Variants in PTPRK observed in about 807,000 individuals in gnomAD.
The protein encoded by PTPRK is protein tyrosine phosphatase receptor type K, also known as receptor-type tyrosine-protein phosphatase kappa.
Under a neutral mutation model 178.0 loss-of-function variants are expected in PTPRK, and 75 were observed. That is an observed-to-expected ratio of 0.42 (90% CI 0.35 to 0.51). The LOEUF (loss-of-function observed/expected upper bound fraction) is 0.51, where lower values mean the gene tolerates loss of function less well. PTPRK is among the 20% of genes least tolerant of loss of function. PTPRK has a pLI of 0.02. For missense variants in PTPRK, 1,441 were observed against 1,797.8 expected (o/e 0.80, Z 3.59); for synonymous variants, 637 against 620.6 (o/e 1.03, Z -0.39).
chr6:128,411,223 A>C (rs1389579869), intron 1 of PTPRK, among the ~76,000 whole-genome samples: 2 of 152,072 alleles, frequency 1.3e-5, no homozygotes, highest in African/African-American at 4.8e-5. Context: ...TCATAATCAC[A>C]ACCACAGCAA....
intron 6 of PTPRK, among the ~76,000 whole-genome samples, chr6:128,206,806 T>C (rs1375433392): frequency 1.3e-5 from 2 of 152,168 alleles, no homozygotes; most frequent in Non-Finnish European, 2.9e-5. Flanking sequence ...TTCATTTTCA[T>C]TTATACCTCA....
chr6:128,290,494 T>C (rs567436608), intron 3 of PTPRK, among the ~76,000 whole-genome samples: 57 of 152,126 alleles, frequency 3.7e-4, no homozygotes, highest in Non-Finnish European at 6.3e-4. Context: ...AGTCCTACCG[T>C]GTCAGAAATC....
intron 1 of PTPRK, among the ~76,000 whole-genome samples, chr6:128,417,919 C>T (rs1462554301): frequency 6.6e-6 from 1 of 152,270 alleles, no homozygotes; most frequent in South Asian, 2.1e-4. Context: ...ACACTCTTCA[C>T]ATTCTGGGCA....
chr6:127,995,575 T>A (rs201474367), intron 17 of PTPRK, 37 bp from the exon 18 acceptor site: 12 of 1,310,300 alleles, frequency 9.2e-6, no homozygotes, highest in Non-Finnish European at 1.2e-5. Context: ...GCTGTTAAAT[T>A]TTCCCCCTGT....
In PTPRK at chr6:128,105,156, C is replaced by T. The variant is rs546435325; in HGVS notation, c.1163-15164G>A. On this transcript the variant is annotated intron_variant, in intron 7 of 29. Transcript: ENST00000368226. ...TTTTTTTTTTTTTTTTCTTTTGAGA[C>T]GGAGTCTTGCTCTGTCGCCCAGGCT... Among the ~76,000 whole-genome samples the T allele has an allele frequency of 3.6e-3, 531 of 145,806 alleles. 5 individuals are homozygous for T. The highest frequency in any genetic ancestry group is 0.012 in the African/African-American group (484 of 39,338).
At chr6:128,443,786 G>C (rs1385505724) in intron 1 of PTPRK, among the ~76,000 whole-genome samples, 1 of 152,162 alleles carries the variant, frequency 6.6e-6, no homozygotes, top group Non-Finnish European at 1.5e-5. Context: ...TGGGAAATAA[G>C]CAAATAGAGA....
chr6:128,075,494 C>T (rs894380314), intron 11 of PTPRK, among the ~76,000 whole-genome samples: 1 of 152,012 alleles, frequency 6.6e-6, no homozygotes, highest in African/African-American at 2.4e-5. Context: ...ATGCTCATTT[C>T]TACCTCTCCT....
chr6:128,329,446 G>A (rs1384921859), intron 2 of PTPRK, among the ~76,000 whole-genome samples: 1 of 149,698 alleles, frequency 6.7e-6, no homozygotes, highest in Non-Finnish European at 1.5e-5. Context: ...GATTGTGGAA[G>A]CTGAGAAGTC....
chr6:128,387,860 A>T (rs1326808742), intron 2 of PTPRK, among the ~76,000 whole-genome samples: 1 of 152,098 alleles, frequency 6.6e-6, no homozygotes, highest in African/African-American at 2.4e-5. Context: ...TGAATAACGC[A>T]TTAGAGCAGG....
intron 3 of PTPRK, among the ~76,000 whole-genome samples, chr6:128,256,392 A>G (rs1345171615): frequency 6.6e-6 from 1 of 152,150 alleles, no homozygotes; most frequent in Non-Finnish European, 1.5e-5. Context: ...CCTCTATGAC[A>G]TATGTAGAGC....
At chr6:128,385,195 C>G (rs1163821925) in intron 2 of PTPRK, among the ~76,000 whole-genome samples, 1 of 151,482 alleles carries the variant, frequency 6.6e-6, no homozygotes, top group Non-Finnish European at 1.5e-5. Flanking sequence ...ACTTCTGATT[C>G]TTCCTTGCAT....
At chr6:128,437,673 G>A (rs1845768927) in intron 1 of PTPRK, among the ~76,000 whole-genome samples, 1 of 152,368 alleles carries the variant, frequency 6.6e-6, no homozygotes, top group East Asian at 1.9e-4. Flanking sequence ...GAATAAAGAT[G>A]TTCTTGCTAG....
At position 128,050,873 on chromosome 6, in the gene PTPRK, C is replaced by T. The variant is rs540521738; in HGVS notation, c.2194+13885G>A. Among the ~76,000 whole-genome samples, 20 of 152,232 alleles carry T rather than the reference C, an allele frequency of 1.3e-4. No individual in the cohort carries two copies. In the South Asian group the frequency reaches 2.1e-3, roughly 16 times the overall value. On this transcript the variant is annotated intron_variant, in intron 13 of 29. Transcript: ENST00000368226. ...GGAATTTTTTAGAATGATTTTTACA[C>T]GCTGAAAAATTTTCAAAATGATGTT... is the stretch of plus-strand genomic sequence containing the variant.
At chr6:128,420,176 T>C (rs1340445838) in intron 1 of PTPRK, among the ~76,000 whole-genome samples, 1 of 152,218 alleles carries the variant, frequency 6.6e-6, no homozygotes. Flanking sequence ...AATGGAACAT[T>C]GTCTTTGTCG....
intron 1 of PTPRK, among the ~76,000 whole-genome samples, chr6:128,447,350 C>T (rs1331265005): frequency 6.6e-6 from 1 of 152,194 alleles, no homozygotes; most frequent in African/African-American, 2.4e-5. Flanking sequence ...AAGTCTCCAC[C>T]ATATGTCAGG....
chr6:128,229,554 T>C (rs1420834684), intron 5 of PTPRK, among the ~76,000 whole-genome samples: 1 of 152,128 alleles, frequency 6.6e-6, no homozygotes, highest in Non-Finnish European at 1.5e-5. Context: ...CAGGACATCA[T>C]TGAAAAATGA....
At chr6:128,221,252 C>T (rs112716788) in intron 5 of PTPRK, among the ~76,000 whole-genome samples, 5,956 of 152,076 alleles carry the variant, frequency 0.039, 263 homozygotes, top group African/African-American at 0.11. Flanking sequence ...TGGCCAGGCG[C>T]GGTGGCTCAC....
rs745486138 is a variant in PTPRK, at chr6:128,173,945, TC to T, written c.1162+10486del. Among the ~76,000 whole-genome samples, 750 of 152,092 alleles carry T rather than the reference TC, an allele frequency of 4.9e-3. 5 individuals are homozygous for T. The highest frequency in any genetic ancestry group is 0.014 in the Middle Eastern group (4 of 294). Reference sequence around the variant, plus strand: ...ATAATTCATTCTTTAAAAAATGTATTCCCTTACATAAAATATTTTAATGTAT... The same window carrying T: ...ATAATTCATTCTTTAAAAAATGTATTCCTTACATAAAATATTTTAATGTAT... On this transcript the variant is annotated intron_variant, in intron 7 of 29. Coordinates refer to ENST00000368226, the MANE Select transcript of PTPRK (RefSeq NM_002844.4).
chr6:128,225,569 T>C (rs994856740), intron 5 of PTPRK, among the ~76,000 whole-genome samples: 4 of 152,164 alleles, frequency 2.6e-5, no homozygotes, highest in African/African-American at 9.7e-5. Context: ...ATCACCATTA[T>C]TGAAGAACAA....
Sources: gnomAD v4.1 joint callset for allele counts (sites outside exome capture counted in the v4.1 genomes callset) on GRCh38, gnomAD v4.1.1 for gene constraint, MANE v1.5 for transcripts, NCBI Gene and HGNC (gene_info 2026-07-23, HGNC 2026-07-21) for gene names.